The following PDZD2 variants were observed in gnomAD, a reference collection of about 807,000 sequenced individuals.
The protein encoded by PDZD2 is PDZ domain-containing protein 2.
PDZD2 carries 90 observed loss-of-function variants against 220.7 expected under a neutral mutation model. That is an observed-to-expected ratio of 0.41 (90% confidence interval 0.34 to 0.49). The LOEUF (loss-of-function observed/expected upper bound fraction) is 0.49, where lower values mean the gene tolerates loss of function less well. PDZD2 is among the 20% of genes least tolerant of loss of function. PDZD2 has a pLI of 0.28. For synonymous variants in PDZD2, 1,375 were observed against 1,450.5 expected, an observed-to-expected ratio of 0.95 and a Z score of 1.18; for missense variants, 3,174 against 3,608.5, an observed-to-expected ratio of 0.88 and a Z score of 3.08.
chr5:32,011,020 AAACAACAAC>A (rs200426487), intron 6 of PDZD2, among the ~76,000 whole-genome samples: 1 of 143,046 alleles, frequency 7.0e-6, no homozygotes, highest in African/African-American at 2.6e-5. Context: ...AAAAAAAAAA[AAACAACAAC>A]AACAACAACA....
At position 31,639,178 on chromosome 5, in the gene PDZD2, C is replaced by T. The variant is rs1247427838; in HGVS notation, c.-620C>T. Among the ~76,000 whole-genome samples, 1 of 151,980 alleles carries T rather than the reference C, an allele frequency of 6.6e-6. No individual in the cohort carries two copies. Among genetic ancestry groups the T allele is most frequent in the African/African-American group, 2.4e-5 (1 of 41,404 alleles). On this transcript the variant is annotated 5_prime_UTR_variant, in exon 1 of 25. Transcript: ENST00000438447. This position sits in a 1 kb window ranked among gnomAD's most constrained non-coding sequence, Gnocchi z 4.1. ...CAGCGAGGCGAGGAGCGGACCCCAG[C>T]GCCGGTGCGTGCCGGCCCCGGGCAG...
intron 2 of PDZD2, among the ~76,000 whole-genome samples, chr5:31,942,741 T>C (rs1377136569): frequency 6.6e-6 from 1 of 152,250 alleles, no homozygotes; most frequent in Non-Finnish European, 1.5e-5. Flanking sequence ...GTTAGAGAAA[T>C]GCCTCATGGT....
chr5:31,707,470 C>T (rs1404270705), intron 1 of PDZD2, among the ~76,000 whole-genome samples: 1 of 152,084 alleles, frequency 6.6e-6, no homozygotes, highest in East Asian at 1.9e-4. Context: ...CAGAAGCTAG[C>T]CCTGGCAGCA....
intron 1 of PDZD2, among the ~76,000 whole-genome samples, chr5:31,769,979 C>T (rs191110238): frequency 1.2e-4 from 19 of 152,262 alleles, no homozygotes; most frequent in African/African-American, 4.3e-4. Context: ...CTGTCCTCTT[C>T]GGTCATCTCA....
chr5:31,948,338 G>C (rs1746842253), intron 2 of PDZD2, among the ~76,000 whole-genome samples: 1 of 152,138 alleles, frequency 6.6e-6, no homozygotes, highest in Non-Finnish European at 1.5e-5. Context: ...AGATGGTGCA[G>C]ATGCTCCAAG....
chr5:31,965,507 A>G (rs1184922776), intron 2 of PDZD2, among the ~76,000 whole-genome samples: 1 of 152,218 alleles, frequency 6.6e-6, no homozygotes, highest in Non-Finnish European at 1.5e-5. Flanking sequence ...GTTTGGGTAG[A>G]CCCAGTTTCT....
chr5:31,840,928 A>G, intron 2 of PDZD2: 1 of 504,078 alleles, frequency 2.0e-6, no homozygotes, highest in Non-Finnish European at 3.5e-6. Context: ...AAAGGCCTGG[A>G]GAACATACTG....
At chr5:32,011,869 C>T (rs982666675) in intron 6 of PDZD2, among the ~76,000 whole-genome samples, 2 of 152,144 alleles carry the variant, frequency 1.3e-5, no homozygotes, top group Non-Finnish European at 2.9e-5. Context: ...ACAAAGGTGT[C>T]ACTTGTAAGG....
chr5:31,983,137 C>G lies in PDZD2; in HGVS notation c.477-18C>G. 1 of 1,603,014 alleles carries G rather than the reference C, an allele frequency of 6.2e-7. No individual in the cohort carries two copies. The highest frequency in any genetic ancestry group is 8.5e-7 in the Non-Finnish European group (1 of 1,173,844). On this transcript the variant is annotated intron_variant, in intron 2 of 24. Coordinates refer to ENST00000438447, the MANE Select transcript of PDZD2 (RefSeq NM_178140.4). ...AGGGTGTGTGGGGTTCTAACTGGCA[C>G]CTCTCTGTCTGTTGCAGTTACCTGG...
At chr5:32,037,911 G>A (rs529967695) in intron 7 of PDZD2, among the ~76,000 whole-genome samples, 12 of 151,110 alleles carry the variant, frequency 7.9e-5, no homozygotes, top group African/African-American at 2.7e-4. Context: ...GCATGATCTC[G>A]GCTCACTACA....
chr5:32,101,343 TGTTTTTAATGCTTTGTGACATACAAG>T, intron 24 of PDZD2, 104 bp downstream of exon 24: 1 of 1,027,334 alleles, frequency 9.7e-7, no homozygotes, highest in Non-Finnish European at 1.4e-6. Flanking sequence ...AAACCTAAAC[TGTTTTTAATGCTTTGTGACATACAAG>T]GTTTATTCTG....
At chr5:31,816,189 G>T (rs1755439545) in intron 2 of PDZD2, among the ~76,000 whole-genome samples, 1 of 151,424 alleles carries the variant, frequency 6.6e-6, no homozygotes, top group Non-Finnish European at 1.5e-5. Flanking sequence ...TCGGGAGGCT[G>T]AGGCAGGAGA....
At chr5:31,787,933 A>G (rs1299878381) in intron 1 of PDZD2, among the ~76,000 whole-genome samples, 1 of 152,094 alleles carries the variant, frequency 6.6e-6, no homozygotes, top group African/African-American at 2.4e-5. Context: ...CGCAGCCTCC[A>G]CAGGCTGTTC....
intron 1 of PDZD2, among the ~76,000 whole-genome samples, chr5:31,704,877 T>C (rs1228977575): frequency 6.6e-6 from 1 of 152,156 alleles, no homozygotes; most frequent in East Asian, 1.9e-4. Context: ...ATTACGAATA[T>C]TGGCTGGGTG....
At chr5:31,892,436 G>C (rs1215967766) in intron 2 of PDZD2, among the ~76,000 whole-genome samples, 2 of 152,242 alleles carry the variant, frequency 1.3e-5, no homozygotes, top group African/African-American at 4.8e-5. Context: ...GAGTGAAGGA[G>C]AGCACTGATA....
intron 2 of PDZD2, chr5:31,841,024 C>A: frequency 3.0e-6 from 1 of 334,048 alleles, no homozygotes; most frequent in Non-Finnish European, 5.4e-6. Context: ...TTTGAAGCCT[C>A]ATTTTGGTTT....
At chr5:32,058,968 A>G (rs73753913) in intron 12 of PDZD2, among the ~76,000 whole-genome samples, 2,831 of 152,292 alleles carry the variant, frequency 0.019, 93 homozygotes, top group African/African-American at 0.065. Context: ...ATTTCTAAAA[A>G]CAGATGTGAG....
chr5:32,028,972 C>T (rs997872944), intron 6 of PDZD2, among the ~76,000 whole-genome samples: 5 of 152,048 alleles, frequency 3.3e-5, no homozygotes, highest in Admixed American at 6.6e-5. Flanking sequence ...CGTGAGTCAC[C>T]GCGCCCAGCC....
intron 1 of PDZD2, among the ~76,000 whole-genome samples, chr5:31,766,798 C>G (rs1416888070): frequency 2.0e-5 from 3 of 151,260 alleles, no homozygotes; most frequent in African/African-American, 7.3e-5. Context: ...TGGCGCATCT[C>G]AGCTCACTGC....
Sources: gnomAD v4.1 joint callset for allele counts (sites outside exome capture counted in the v4.1 genomes callset) on GRCh38, gnomAD v4.1.1 for gene constraint, Gnocchi (gnomAD v3.1) non-coding constraint, MANE v1.5 for transcripts, NCBI Gene and HGNC (gene_info 2026-07-23, HGNC 2026-07-21) for gene names.